Variants in SLC5A4 observed in about 807,000 individuals in gnomAD.
The protein encoded by SLC5A4 is probable glucose sensor protein SLC5A4.
A neutral mutation model predicts 70.3 loss-of-function variants in SLC5A4; 55 were observed. That is an observed-to-expected ratio of 0.78 (90% CI 0.63 to 0.98). SLC5A4 has a LOEUF of 0.98. Among genes scored for constraint, SLC5A4 ranks in the 50% least tolerant of loss-of-function variants. The pLI, the probability that SLC5A4 is intolerant of heterozygous loss-of-function variation, is 0.00. For synonymous variants in SLC5A4, 268 were observed against 305.7 expected, an observed-to-expected ratio of 0.88 and a Z score of 1.29; for missense variants, 735 against 839.2, an observed-to-expected ratio of 0.88 and a Z score of 1.53.
the SLC5A4 span, chr22:32,272,571 G>A: frequency 3.1e-6 from 2 of 637,798 alleles, no homozygotes; most frequent in Admixed American, 5.2e-5. Flanking sequence ...GTACAGCGTG[G>A]ACTTCATGGT....
the SLC5A4 span, among the ~76,000 whole-genome samples, chr22:32,275,489 T>C: frequency 6.6e-6 from 1 of 152,188 alleles, no homozygotes; most frequent in Non-Finnish European, 1.5e-5. Flanking sequence ...GTCCTTGCGA[T>C]AGTTTGCTGA....
chr22:32,270,991 C>T, the SLC5A4 span: 21 of 521,614 alleles, frequency 4.0e-5, no homozygotes, highest in Non-Finnish European at 5.6e-5. Context: ...GCTTGGAGGC[C>T]GAGAGCCTGG....
At chr22:32,330,964 TG>T in the SLC5A4 span, among the ~76,000 whole-genome samples, 1 of 2,192 alleles carries the variant, frequency 4.6e-4, no homozygotes, top group Non-Finnish European at 9.2e-4. Flanking sequence ...GTGTGTGTGT[TG>T]GGGGCACTGG....
chr22:32,245,216 T>C (rs1343729001), intron 5 of SLC5A4, among the ~76,000 whole-genome samples: 1 of 152,122 alleles, frequency 6.6e-6, no homozygotes, highest in Non-Finnish European at 1.5e-5. Context: ...TGTGTCAGAG[T>C]GTAAGAGTAC....
At chr22:32,229,984 G>C (rs1925653090) in intron 10 of SLC5A4, among the ~76,000 whole-genome samples, 1 of 152,182 alleles carries the variant, frequency 6.6e-6, no homozygotes, top group Non-Finnish European at 1.5e-5. Flanking sequence ...GAGAACTGGA[G>C]AGGAAGAAGT....
the SLC5A4 span, among the ~76,000 whole-genome samples, chr22:32,325,656 G>A: frequency 4.6e-5 from 7 of 152,260 alleles, no homozygotes; most frequent in Admixed American, 3.9e-4. Flanking sequence ...GATTAGAGCT[G>A]CAGGGTCCTG....
intron 14 of SLC5A4, among the ~76,000 whole-genome samples, chr22:32,220,282 G>T (rs901179838): frequency 1.3e-5 from 2 of 152,198 alleles, no homozygotes; most frequent in Admixed American, 6.5e-5. Flanking sequence ...GGAACAGAAA[G>T]CACTGACTCT....
chr22:32,219,630 C>CAAAA, intron 14 of SLC5A4, among the ~76,000 whole-genome samples: 3,162 of 28,870 alleles, frequency 0.11, 299 homozygotes, highest in African/African-American at 0.18. Context: ...TCCAACTTAG[C>CAAAA]AAAAAAAAAA....
chr22:32,284,604 TAAG>T, the SLC5A4 span: 1 of 152,348 alleles, frequency 6.6e-6, no homozygotes, highest in East Asian at 1.9e-4. Flanking sequence ...GACTGAGTTC[TAAG>T]AAGAAGCACT....
chr22:32,311,185 A>T, the SLC5A4 span, among the ~76,000 whole-genome samples: 1 of 151,996 alleles, frequency 6.6e-6, no homozygotes, highest in African/African-American at 2.4e-5. Flanking sequence ...CCGGCAGAAC[A>T]CTCGCCGCCC....
chr22:32,228,639 C>T (rs1443859006), intron 11 of SLC5A4, among the ~76,000 whole-genome samples: 2 of 152,102 alleles, frequency 1.3e-5, no homozygotes, highest in Non-Finnish European at 2.9e-5. Context: ...TTGTTTCCCT[C>T]CATCTCACTT....
the SLC5A4 span, among the ~76,000 whole-genome samples, chr22:32,335,066 A>G: frequency 6.6e-6 from 1 of 152,152 alleles, no homozygotes; most frequent in Non-Finnish European, 1.5e-5. Context: ...TGCCTCCAAG[A>G]GATCACAGGG....
chr22:32,282,082 A>G, the SLC5A4 span, among the ~76,000 whole-genome samples: 2 of 150,764 alleles, frequency 1.3e-5, no homozygotes, highest in African/African-American at 4.9e-5. Flanking sequence ...ACCTCAGGTG[A>G]TCTGCCCGCC....
At chr22:32,318,231 A>ATT in the SLC5A4 span, among the ~76,000 whole-genome samples, 191 of 144,782 alleles carry the variant, frequency 1.3e-3, 1 homozygote, top group East Asian at 0.016. Context: ...GCATATGTTG[A>ATT]TTTTTTTTTT....
intron 5 of SLC5A4, among the ~76,000 whole-genome samples, chr22:32,240,539 T>C (rs1290048847): frequency 6.6e-6 from 1 of 152,218 alleles, no homozygotes; most frequent in South Asian, 2.1e-4. Flanking sequence ...TTTATAATTA[T>C]CTGTTTGTTT....
chr22:32,237,267 C>T lies in SLC5A4; in HGVS notation c.641G>A (p.Gly214Asp). ...ACCAAACCCCATGAGAATAAAAGAG[C>T]CAATCAGCATGATGATGGTCTGGAG... ...DTLQTIIMLI[G>D]SFILMGFAFN... Residue 214 changes from glycine to aspartate, a missense_variant, in exon 7 of 15, where the codon GGC becomes GAC. Coordinates refer to ENST00000266086, the MANE Select transcript of SLC5A4 (RefSeq NM_014227.3). The T allele has an allele frequency of 6.2e-7, 1 of 1,609,776 alleles. No homozygotes were observed. Among genetic ancestry groups the T allele is most frequent in the South Asian group, 1.1e-5 (1 of 90,198 alleles).
the SLC5A4 span, among the ~76,000 whole-genome samples, chr22:32,314,902 A>G: frequency 4.6e-5 from 7 of 152,192 alleles, no homozygotes; most frequent in Non-Finnish European, 1.0e-4. Context: ...ACAGCATGGG[A>G]AAGACTTGCC....
At chr22:32,324,677 G>A in the SLC5A4 span, among the ~76,000 whole-genome samples, 3 of 152,184 alleles carry the variant, frequency 2.0e-5, no homozygotes, top group African/African-American at 7.2e-5. Context: ...CGGCCTCAGT[G>A]TCAGACAAGC....
chr22:32,302,234 C>T, the SLC5A4 span, among the ~76,000 whole-genome samples: 2 of 144,938 alleles, frequency 1.4e-5, no homozygotes, highest in African/African-American at 2.6e-5. Flanking sequence ...TTGTCTTTTA[C>T]TGTTTACTTT....
Sources: allele counts gnomAD v4.1 joint callset (sites outside exome capture counted in the v4.1 genomes callset), GRCh38; gene constraint gnomAD v4.1.1; transcripts MANE v1.5; gene names NCBI Gene and HGNC (gene_info 2026-07-23, HGNC 2026-07-21).